The following HSD17B7 variants were observed in gnomAD, a reference collection of about 807,000 sequenced individuals.
The protein encoded by HSD17B7 is hydroxysteroid 17-beta dehydrogenase 7, also known as 3-keto-steroid reductase/17-beta-hydroxysteroid dehydrogenase 7.
A neutral mutation model predicts 34.1 loss-of-function variants in HSD17B7; 17 were observed. That is an observed-to-expected ratio of 0.50 (90% CI 0.34 to 0.75). The LOEUF is 0.75. Ranked by LOEUF, HSD17B7 falls within the 30% of genes least tolerant of loss-of-function variation. The pLI is 0.01. For synonymous variants in HSD17B7, 122 were observed against 154.6 expected, an observed-to-expected ratio of 0.79 and a Z score of 1.56; for missense variants, 296 against 406.6, an observed-to-expected ratio of 0.73 and a Z score of 2.34.
intron 2 of HSD17B7, chr1:162,795,518 C>G (rs1648572227): frequency 2.7e-6 from 1 of 370,516 alleles, no homozygotes; most frequent in Non-Finnish European, 5.4e-6. Context: ...AATGGATGAA[C>G]TCACACTATC....
chr1:162,792,238 T>C (rs372178636), intron 1 of HSD17B7, among the ~76,000 whole-genome samples: 17 of 152,284 alleles, frequency 1.1e-4, no homozygotes, highest in African/African-American at 3.8e-4. Context: ...CCCTTGCCCC[T>C]GAGGAGCCTA....
intron 8 of HSD17B7, among the ~76,000 whole-genome samples, chr1:162,807,438 G>A (rs1649023702): frequency 1.3e-5 from 2 of 152,200 alleles, no homozygotes; most frequent in Non-Finnish European, 2.9e-5. Context: ...AAACATACAT[G>A]TGCATCTGTC....
intron 7 of HSD17B7, among the ~76,000 whole-genome samples, chr1:162,805,073 TTAG>T (rs1648935866): frequency 6.6e-6 from 1 of 152,226 alleles, no homozygotes; most frequent in African/African-American, 2.4e-5. Flanking sequence ...ATTGTAGTAC[TTAG>T]TAGATTCTTA....
Position 162,792,735 on chromosome 1 carries a change from A to G in HSD17B7, c.112A>G (p.Met38Val), listed in dbSNP as rs778250388. Residue 38 changes from methionine (M) to valine (V), a missense_variant, in exon 2 of 9, where the codon ATG becomes GTG. Transcript: ENST00000254521. Reference protein sequence around the residue: ...ELHLCLACRNMSKAEAVCAAL... With the variant: ...ELHLCLACRNVSKAEAVCAAL... Reference sequence around the variant, plus strand: ...TCATCTGTGTTTGGCGTGCAGGAACATGAGCAAGGCAGAAGCTGTCTGTGC... The same window carrying G: ...TCATCTGTGTTTGGCGTGCAGGAACGTGAGCAAGGCAGAAGCTGTCTGTGC... 3.7e-6 allele frequency: 6 copies of G among 1,614,210 alleles called. No individual in the cohort carries two copies. Among genetic ancestry groups the G allele is most frequent in the Non-Finnish European group, 5.1e-6 (6 of 1,180,048 alleles).
intron 2 of HSD17B7, among the ~76,000 whole-genome samples, chr1:162,793,330 G>C (rs1199168067): frequency 6.6e-6 from 1 of 152,132 alleles, no homozygotes; most frequent in East Asian, 1.9e-4. Context: ...ATTGCGCCTG[G>C]CCAGTACCAC....
Position 162,790,812 on chromosome 1 carries a change from G to A in HSD17B7, c.12G>A (p.Val4=). The A allele has an allele frequency of 1.2e-6, 2 of 1,613,590 alleles. No homozygotes were observed. The highest frequency in any genetic ancestry group is 1.7e-6 in the Non-Finnish European group (2 of 1,179,788). The stretch of plus-strand genomic sequence containing the variant: ...GTGAGTGCGCGAAGATGCGAAAGGT[G>A]GTTTTGATCACCGGGGCTAGCAGGT... MRK[V]VLITGASSGI... is the part of the protein sequence containing the mutation. The change falls in exon 1 of 9, where the codon GTG becomes GTA. Residue 4 remains valine (V), a synonymous_variant. Coordinates refer to ENST00000254521, the MANE Select transcript of HSD17B7 (RefSeq NM_016371.4).
At chr1:162,808,521 TGATGGG>T (rs1048278805) in intron 8 of HSD17B7, among the ~76,000 whole-genome samples, 1 of 152,226 alleles carries the variant, frequency 6.6e-6, no homozygotes, top group African/African-American at 2.4e-5. Flanking sequence ...ATTGGTAGCT[TGATGGG>T]GATGGCATTG....
intron 1 of HSD17B7, among the ~76,000 whole-genome samples, chr1:162,792,020 T>C (rs1648425439): frequency 6.6e-6 from 1 of 152,202 alleles, no homozygotes; most frequent in Admixed American, 6.5e-5. Context: ...TGTTTCCAAG[T>C]GGTGTACTCA....
intron 8 of HSD17B7, among the ~76,000 whole-genome samples, chr1:162,806,075 G>A (rs1397270765): frequency 6.6e-6 from 1 of 152,132 alleles, no homozygotes; most frequent in Non-Finnish European, 1.5e-5. Flanking sequence ...AAAAATGTCA[G>A]TACTGTGTTT....
At chr1:162,810,064 C>T (rs1649124307) in intron 8 of HSD17B7, among the ~76,000 whole-genome samples, 1 of 152,152 alleles carries the variant, frequency 6.6e-6, no homozygotes. Context: ...TTAGATCTTT[C>T]CTGCTTTCTC....
intron 5 of HSD17B7, among the ~76,000 whole-genome samples, chr1:162,802,694 G>A (rs1260878309): frequency 6.6e-6 from 1 of 152,088 alleles, no homozygotes; most frequent in Non-Finnish European, 1.5e-5. Context: ...AAAATGTATA[G>A]TATAAATTAA....
intron 7 of HSD17B7, 103 bp from the exon 8 acceptor site, chr1:162,805,291 T>TA (rs1648942069): frequency 6.9e-7 from 1 of 1,446,972 alleles, no homozygotes; most frequent in Non-Finnish European, 9.1e-7. Context: ...AGGATGTTTA[T>TA]AATTTGTCTG....
intron 8 of HSD17B7, among the ~76,000 whole-genome samples, chr1:162,809,739 C>G (rs1217126817): frequency 1.3e-5 from 2 of 151,988 alleles, no homozygotes; most frequent in Non-Finnish European, 2.9e-5. Flanking sequence ...TCTAGATTTT[C>G]TAGTTTATTT....
intron 2 of HSD17B7, among the ~76,000 whole-genome samples, chr1:162,794,882 T>C (rs1648549765): frequency 6.6e-6 from 1 of 152,190 alleles, no homozygotes; most frequent in South Asian, 2.1e-4. Flanking sequence ...GTTCAGTAAT[T>C]TAGTATTTCG....
chr1:162,811,740 G>A (rs1649177451), intron 8 of HSD17B7, among the ~76,000 whole-genome samples: 1 of 152,184 alleles, frequency 6.6e-6, no homozygotes, highest in Non-Finnish European at 1.5e-5. Flanking sequence ...GCTCGAGAGT[G>A]GTATGGAAGA....
At position 162,811,968 on chromosome 1, in the gene HSD17B7, A is replaced by G. The variant is rs879099255; in HGVS notation, c.904-330A>G. 3.3e-5 allele frequency among the ~76,000 whole-genome samples: 5 copies of G among 152,206 alleles called. 1 individual carries two copies. The highest frequency in any genetic ancestry group is 3.3e-4 in the Admixed American group (5 of 15,286). ...AAGTGAGTAGCCATTAAAAACTCAC[A>G]AAACTCTTGATTTTTCTGTTTTGTC... is the stretch of plus-strand genomic sequence containing the variant. On this transcript the variant is annotated intron_variant, in intron 8 of 8. Transcript: ENST00000254521.
intron 4 of HSD17B7, 53 bp downstream of exon 4, chr1:162,797,969 A>C (rs1648677098): frequency 1.9e-6 from 3 of 1,598,892 alleles, no homozygotes; most frequent in Non-Finnish European, 2.6e-6. Context: ...AGTTTCTGTA[A>C]AGCTCTGGGC....
Position 162,797,823 on chromosome 1 carries a change from C to T in HSD17B7, c.354C>T (p.Ser118=), listed in dbSNP as rs1648670134. The T allele has an allele frequency of 4.3e-6, 7 of 1,613,032 alleles. No individual in the cohort carries two copies. In the East Asian group the frequency reaches 1.6e-4, roughly 36 times the overall value. The part of the protein sequence containing the change: ...LFSRKVIHMF[S]TAEGLLTQGD... ...TCAGAAAAGTGATTCATATGTTCTC[C>T]ACAGCTGAAGGCCTGCTGACCCAGG... Residue 118 remains serine (S), a synonymous_variant, in exon 4 of 9, where the codon TCC becomes TCT. Transcript: ENST00000254521.
intron 7 of HSD17B7, among the ~76,000 whole-genome samples, chr1:162,804,957 A>G (rs1296435960): frequency 6.6e-6 from 1 of 152,240 alleles, no homozygotes; most frequent in African/African-American, 2.4e-5. Flanking sequence ...ATTGTCCTAC[A>G]TAAAAAGCCC....
Sources: gnomAD v4.1 joint callset for allele counts (sites outside exome capture counted in the v4.1 genomes callset) on GRCh38, gnomAD v4.1.1 for gene constraint, MANE v1.5 for transcripts, NCBI Gene and HGNC (gene_info 2026-07-23, HGNC 2026-07-21) for gene names.